The following SLC35F3 variants were observed in gnomAD, a reference collection of about 807,000 sequenced individuals.
SLC35F3 encodes the protein solute carrier family 35 member F3, also known as putative thiamine transporter SLC35F3.
SLC35F3 carries 25 observed loss-of-function variants against 49.9 expected under a neutral mutation model. The observed-to-expected ratio is 0.50, with a 90% CI of 0.37 to 0.70. SLC35F3 has a LOEUF of 0.70. SLC35F3 is among the 30% of genes least tolerant of loss of function. SLC35F3 has a pLI of 0.00. For missense variants in SLC35F3, 525 were observed against 639.8 expected (o/e 0.82, Z 1.94); for synonymous variants, 275 against 265.4 (o/e 1.04, Z -0.35).
intron 3 of SLC35F3, among the ~76,000 whole-genome samples, chr1:234,267,517 C>CCG (rs1668007957): frequency 6.7e-6 from 1 of 148,316 alleles, no homozygotes; most frequent in Non-Finnish European, 1.5e-5. Context: ...GCTGACCCCC[C>CCG]CACCTCCCTC....
chr1:233,938,010 T>C (rs1038487464), intron 2 of SLC35F3, among the ~76,000 whole-genome samples: 11 of 152,154 alleles, frequency 7.2e-5, no homozygotes, highest in African/African-American at 2.4e-5. Context: ...AGTCATTAAA[T>C]TATAGGTGAC....
chr1:234,304,924 T>C (rs1657106925), intron 3 of SLC35F3, among the ~76,000 whole-genome samples: 1 of 152,044 alleles, frequency 6.6e-6, no homozygotes, highest in Non-Finnish European at 1.5e-5. Context: ...AAAGATCCAA[T>C]ATCAAACTAA....
intron 2 of SLC35F3, among the ~76,000 whole-genome samples, chr1:234,010,733 T>C (rs1663704922): frequency 6.6e-6 from 1 of 152,064 alleles, no homozygotes; most frequent in Admixed American, 6.6e-5. Context: ...GGTGCTCCAA[T>C]GTTAGAGCAC....
chr1:234,248,023 G>A (rs1279351108), intron 3 of SLC35F3, among the ~76,000 whole-genome samples: 11 of 152,200 alleles, frequency 7.2e-5, no homozygotes, highest in African/African-American at 2.7e-4. Flanking sequence ...GGGTTGATTG[G>A]CTGGTCCATT....
intron 2 of SLC35F3, among the ~76,000 whole-genome samples, chr1:234,011,809 C>G (rs1663724781): frequency 6.6e-6 from 1 of 152,108 alleles, no homozygotes; most frequent in Admixed American, 6.6e-5. Flanking sequence ...CATTGGAGCA[C>G]TGAAGGGGTG....
intron 2 of SLC35F3, among the ~76,000 whole-genome samples, chr1:234,069,090 T>TTAC (rs71170451): frequency 8.1e-6 from 1 of 123,322 alleles, no homozygotes; most frequent in African/African-American, 3.1e-5. Flanking sequence ...ATATATATTA[T>TTAC]ATATTATATT....
intron 2 of SLC35F3, among the ~76,000 whole-genome samples, chr1:233,964,808 T>A (rs191652867): frequency 2.4e-4 from 37 of 152,340 alleles, no homozygotes; most frequent in African/African-American, 8.4e-4. Flanking sequence ...TCCTGGGTGT[T>A]ATCATTGTCT....
At chr1:234,114,906 T>TTTTG (rs1408892260) in intron 2 of SLC35F3, among the ~76,000 whole-genome samples, 1 of 151,724 alleles carries the variant, frequency 6.6e-6, no homozygotes, top group Admixed American at 6.6e-5. Context: ...TTGGTGGGTT[T>TTTTG]TTTGTTTGTT....
intron 2 of SLC35F3, among the ~76,000 whole-genome samples, chr1:233,967,086 C>T (rs1662916499): frequency 6.6e-6 from 1 of 152,102 alleles, no homozygotes; most frequent in African/African-American, 2.4e-5. Context: ...TTCAGATCAA[C>T]AAAAAATAAT....
At chr1:233,999,482 A>G (rs955087330) in intron 2 of SLC35F3, among the ~76,000 whole-genome samples, 2 of 152,182 alleles carry the variant, frequency 1.3e-5, no homozygotes, top group African/African-American at 2.4e-5. Flanking sequence ...GATGCCATCC[A>G]GGCTGATCTC....
intron 3 of SLC35F3, among the ~76,000 whole-genome samples, chr1:234,280,659 C>T (rs975765025): frequency 1.3e-5 from 2 of 152,172 alleles, no homozygotes; most frequent in South Asian, 2.1e-4. Context: ...CTTTACATGT[C>T]ATTATGAAGA....
intron 2 of SLC35F3, among the ~76,000 whole-genome samples, chr1:233,907,000 CA>C (rs1448337048): frequency 6.6e-6 from 1 of 152,122 alleles, no homozygotes; most frequent in Non-Finnish European, 1.5e-5. Context: ...TAGCTTATTA[CA>C]AAAGGAAGAC....
intron 3 of SLC35F3, among the ~76,000 whole-genome samples, chr1:234,270,074 C>T (rs888761644): frequency 6.6e-6 from 1 of 152,184 alleles, no homozygotes; most frequent in East Asian, 1.9e-4. Flanking sequence ...CATTAAAGCC[C>T]ACAAACCCAT....
At chr1:234,128,031 G>A (rs985368708) in intron 2 of SLC35F3, among the ~76,000 whole-genome samples, 1 of 152,222 alleles carries the variant, frequency 6.6e-6, no homozygotes, top group African/African-American at 2.4e-5. Context: ...AGAGGACTCA[G>A]AGGGGCAAGA....
intron 2 of SLC35F3, among the ~76,000 whole-genome samples, chr1:234,118,352 C>T (rs1454622251): frequency 6.6e-6 from 1 of 152,160 alleles, no homozygotes; most frequent in African/African-American, 2.4e-5. Context: ...CGTCGGATTT[C>T]CATCTCCATT....
intron 2 of SLC35F3, among the ~76,000 whole-genome samples, chr1:233,914,280 C>T (rs1465360867): frequency 6.6e-6 from 1 of 152,140 alleles, no homozygotes. Flanking sequence ...TAGTCTGTCT[C>T]CCATATGGAT....
chr1:234,016,479 A>T (rs1209486132), intron 2 of SLC35F3, among the ~76,000 whole-genome samples: 1 of 152,242 alleles, frequency 6.6e-6, no homozygotes, highest in African/African-American at 2.4e-5. Context: ...AAGGAAGGAC[A>T]TTCTGTCATT....
intron 3 of SLC35F3, among the ~76,000 whole-genome samples, chr1:234,276,122 T>C (rs1668207752): frequency 6.6e-6 from 1 of 152,194 alleles, no homozygotes; most frequent in Admixed American, 6.5e-5. Context: ...CAGCATTTTA[T>C]CACCCCTTTT....
intron 2 of SLC35F3, among the ~76,000 whole-genome samples, chr1:234,002,992 CT>C (rs1341202989): frequency 6.6e-6 from 1 of 151,140 alleles, no homozygotes; most frequent in Non-Finnish European, 1.5e-5. Context: ...ATCATTGTGT[CT>C]GACATTTTTG....
Sources: allele counts gnomAD v4.1 joint callset (sites outside exome capture counted in the v4.1 genomes callset), GRCh38; gene constraint gnomAD v4.1.1; transcripts MANE v1.5; gene names NCBI Gene and HGNC (gene_info 2026-07-23, HGNC 2026-07-21).